The following ACTL8 variants were observed in gnomAD, a reference collection of about 807,000 sequenced individuals.
The protein encoded by ACTL8 is actin-like protein 8.
In ACTL8, 3 loss-of-function variants were observed where a neutral mutation model predicts 9.3. That is an observed-to-expected ratio of 0.32 (90% CI 0.15 to 0.83). ACTL8 has a LOEUF of 0.83. Ranked by LOEUF, ACTL8 falls within the 40% of genes least tolerant of loss-of-function variation. The pLI is 0.57. For missense variants in ACTL8, 381 were observed against 492.2 expected (o/e 0.77, Z 2.14); for synonymous variants, 224 against 205.9 (o/e 1.09, Z -0.75).
intron 1 of ACTL8, among the ~76,000 whole-genome samples, chr1:17,802,761 T>C (rs2066330813): frequency 6.6e-6 from 1 of 152,116 alleles, no homozygotes; most frequent in African/African-American, 2.4e-5. Flanking sequence ...GGCAGGCAGA[T>C]CACTTGAGGT....
At chr1:17,756,537 T>C (rs2065970520) in intron 1 of ACTL8, among the ~76,000 whole-genome samples, 1 of 152,216 alleles carries the variant, frequency 6.6e-6, no homozygotes, top group Non-Finnish European at 1.5e-5. Context: ...TTCTTGTTAA[T>C]TCAGTTCTCT....
At chr1:17,807,641 A>G (rs954307011) in intron 1 of ACTL8, among the ~76,000 whole-genome samples, 1 of 152,186 alleles carries the variant, frequency 6.6e-6, no homozygotes, top group Non-Finnish European at 1.5e-5. Context: ...TGGCACATAT[A>G]CACTGTGGAA....
At chr1:17,768,975 A>T (rs947203897) in intron 1 of ACTL8, among the ~76,000 whole-genome samples, 2 of 152,146 alleles carry the variant, frequency 1.3e-5, no homozygotes, top group African/African-American at 2.4e-5. Flanking sequence ...GCTTTGTTGT[A>T]GCCTGTTTAA....
intron 1 of ACTL8, among the ~76,000 whole-genome samples, chr1:17,807,840 G>T (rs1005829985): frequency 2.0e-5 from 3 of 151,968 alleles, no homozygotes; most frequent in Admixed American, 2.0e-4. Context: ...ACTGGGGCCT[G>T]TGGGGGGTGG....
Position 17,783,576 on chromosome 1 carries a change from T to C in ACTL8, c.-25+28072T>C, listed in dbSNP as rs371669136. On this transcript the variant is annotated intron_variant, in intron 1 of 2. Coordinates refer to ENST00000375406, the MANE Select transcript of ACTL8 (RefSeq NM_030812.3). ...AAGGAGTTCCATTCCTGCTGCCGTT[T>C]GGCTCTCTAGCTTCGCAACTCTGGC... Among the ~76,000 whole-genome samples, 8 of 152,352 alleles carry C rather than the reference T, an allele frequency of 5.3e-5. 1 individual carries two copies. Among genetic ancestry groups the C allele is most frequent in the African/African-American group, 1.9e-4 (8 of 41,582 alleles).
rs570923977 is a variant in ACTL8 at position 17,791,428 on chromosome 1, A to C, written c.-24-31557A>C. 8.7e-4 allele frequency among the ~76,000 whole-genome samples: 129 copies of C among 148,590 alleles called. No homozygotes were observed. In the Middle Eastern group the frequency reaches 0.017, roughly 20 times the overall value. ...GAGAAGCAGCTTTCCAGGGCCACAC[A>C]ATTAGGGAGTGGAAGATCCGGGATT... On this transcript the variant is annotated intron_variant, in intron 1 of 2. Transcript: ENST00000375406.
intron 1 of ACTL8, among the ~76,000 whole-genome samples, chr1:17,817,991 C>T (rs560615558): frequency 6.6e-6 from 1 of 152,152 alleles, no homozygotes; most frequent in African/African-American, 2.4e-5. Flanking sequence ...TGTGAGCCAC[C>T]GTGCCTGACC....
intron 1 of ACTL8, among the ~76,000 whole-genome samples, chr1:17,798,684 C>T (rs7552919): frequency 0.22 from 32,955 of 152,074 alleles, 4,415 homozygotes; most frequent in Admixed American, 0.38. Flanking sequence ...AAAAATCTAT[C>T]TTTGTTCCCC....
intron 1 of ACTL8, among the ~76,000 whole-genome samples, chr1:17,817,559 C>G (rs901869265): frequency 6.6e-6 from 1 of 152,158 alleles, no homozygotes; most frequent in Non-Finnish European, 1.5e-5. Context: ...GCCCTCCTCC[C>G]TGGCCATTCT....
intron 2 of ACTL8, among the ~76,000 whole-genome samples, chr1:17,825,456 C>T (rs960073310): frequency 4.6e-5 from 7 of 152,132 alleles, no homozygotes; most frequent in African/African-American, 1.2e-4. Flanking sequence ...ACATGTGACC[C>T]GTGGCCATGT....
At chr1:17,800,743 TACC>T (rs1346639906) in intron 1 of ACTL8, among the ~76,000 whole-genome samples, 1 of 151,862 alleles carries the variant, frequency 6.6e-6, no homozygotes, top group African/African-American at 2.4e-5. Context: ...TAAAGGTGCG[TACC>T]ACCATGCCTG....
At chr1:17,790,151 C>T (rs1383060885) in intron 1 of ACTL8, among the ~76,000 whole-genome samples, 1 of 152,222 alleles carries the variant, frequency 6.6e-6, no homozygotes, top group Admixed American at 6.5e-5. Flanking sequence ...CAAGCAGCTT[C>T]CACGGCTGGC....
At chr1:17,784,127 A>G (rs571572616) in intron 1 of ACTL8, among the ~76,000 whole-genome samples, 8 of 152,350 alleles carry the variant, frequency 5.3e-5, no homozygotes, top group African/African-American at 1.9e-4. Context: ...TGGAGGCTGT[A>G]CGGGAACCAT....
chr1:17,773,062 G>T (rs565024334), intron 1 of ACTL8, among the ~76,000 whole-genome samples: 1 of 152,328 alleles, frequency 6.6e-6, no homozygotes, highest in African/African-American at 2.4e-5. Context: ...TGTCCTCGCT[G>T]CGTCGGACAC....
intron 1 of ACTL8, among the ~76,000 whole-genome samples, chr1:17,764,574 G>A (rs1417250810): frequency 1.3e-5 from 2 of 151,616 alleles, no homozygotes; most frequent in Non-Finnish European, 2.9e-5. Flanking sequence ...AAGCTTCTGG[G>A]CACCCCCCCA....
chr1:17,788,794 G>A (rs893832467), intron 1 of ACTL8, among the ~76,000 whole-genome samples: 1 of 152,242 alleles, frequency 6.6e-6, no homozygotes, highest in Non-Finnish European at 1.5e-5. Context: ...GGAACCCAGA[G>A]TGGGTGCCCA....
rs2053713319 is a variant in ACTL8, at chr1:17,825,978, G to A, written c.560G>A (p.Ser187Asn). Reference sequence around the variant, plus strand: ...GATCTCTCCGCCTATCTCCTCAAGAGTCTCTTTAAGGAAGATTGCGATAGA... The same window carrying A: ...GATCTCTCCGCCTATCTCCTCAAGAATCTCTTTAAGGAAGATTGCGATAGA... Reference protein sequence around the residue: ...GQDLSAYLLKSLFKEDCDRRC... With the variant: ...GQDLSAYLLKNLFKEDCDRRC... The change falls in exon 3 of 3, where the codon AGT becomes AAT. Residue 187 changes from serine (S) to asparagine (N), a missense_variant. By Grantham distance (46) the Ser-to-Asn change is conservative. Transcript: ENST00000375406. The A allele has an allele frequency of 1.9e-6, 3 of 1,609,514 alleles. No individual in the cohort carries two copies. The highest frequency in any genetic ancestry group is 1.1e-5 in the South Asian group (1 of 91,088).
In ACTL8 at chr1:17,826,498, T is replaced by C; in HGVS notation, c.1080T>C (p.Tyr360=). Reference sequence around the variant, plus strand: ...CTGAGTGGATGTCCCGAGAGGAGTATGGTGAGCATATGAGGATGTGACCCT... The same window carrying C: ...CTGAGTGGATGTCCCGAGAGGAGTACGGTGAGCATATGAGGATGTGACCCT... ...YQSEWMSREE[Y]GEHMRM Residue 360 remains tyrosine (Y), a synonymous_variant, in exon 3 of 3, where the codon TAT becomes TAC. Coordinates refer to ENST00000375406, the MANE Select transcript of ACTL8 (RefSeq NM_030812.3). This position sits in a 1 kb window ranked among gnomAD's most constrained non-coding sequence, Gnocchi z 4.5. 1.3e-6 allele frequency: 2 copies of C among 1,587,162 alleles called. No homozygotes were observed. Among genetic ancestry groups the C allele is most frequent in the Non-Finnish European group, 8.6e-7 (1 of 1,162,702 alleles).
At chr1:17,764,167 A>G (rs1037193545) in intron 1 of ACTL8, among the ~76,000 whole-genome samples, 7 of 152,138 alleles carry the variant, frequency 4.6e-5, no homozygotes, top group Non-Finnish European at 8.8e-5. Flanking sequence ...GCTATGGTCC[A>G]GTTCCCGGCT....
Sources: gnomAD v4.1 joint callset for allele counts (sites outside exome capture counted in the v4.1 genomes callset) on GRCh38, gnomAD v4.1.1 for gene constraint, Gnocchi (gnomAD v3.1) non-coding constraint, MANE v1.5 for transcripts, NCBI Gene and HGNC (gene_info 2026-07-23, HGNC 2026-07-21) for gene names.